RNF141: variants seen among roughly 807,000 people sequenced by gnomAD.
RNF141 encodes ring finger protein 141, also known as C3HC4-like zinc finger protein.
A neutral mutation model predicts 27.4 loss-of-function variants in RNF141; 18 were observed. That is an observed-to-expected ratio of 0.66 (90% CI 0.45 to 0.97). RNF141 has a LOEUF of 0.97. RNF141 is among the 50% of genes least tolerant of loss of function. The probability of loss-of-function intolerance (pLI) is 0.00; values close to 1 mark genes in which losing one functional copy is unlikely to be tolerated. For synonymous variants in RNF141, 97 were observed against 96.6 expected, an observed-to-expected ratio of 1.00 and a Z score of -0.02; for missense variants, 230 against 279.4, an observed-to-expected ratio of 0.82 and a Z score of 1.26.
intron 2 of RNF141, among the ~76,000 whole-genome samples, 182 bp downstream of exon 2, chr11:10,533,834 T>G (rs778869236): frequency 2.6e-5 from 4 of 152,162 alleles, no homozygotes; most frequent in Non-Finnish European, 4.4e-5. Context: ...CCCCATTACA[T>G]ACTTTTAAAA....
At chr11:10,527,228 A>G (rs1849943731) in intron 3 of RNF141, among the ~76,000 whole-genome samples, 1 of 152,232 alleles carries the variant, frequency 6.6e-6, no homozygotes, top group African/African-American at 2.4e-5. Context: ...GCCCTCAAGC[A>G]AGTTACATGA....
At chr11:10,533,184 C>A (rs947813432) in intron 2 of RNF141, among the ~76,000 whole-genome samples, 2 of 151,942 alleles carry the variant, frequency 1.3e-5, no homozygotes, top group African/African-American at 4.8e-5. Flanking sequence ...GACATCTGCC[C>A]AATTGTCACC....
chr11:10,525,013 T>G (rs1337619556), intron 4 of RNF141, among the ~76,000 whole-genome samples, 179 bp downstream of exon 4: 1 of 152,062 alleles, frequency 6.6e-6, no homozygotes, highest in African/African-American at 2.4e-5. Context: ...CCACTTTAAT[T>G]TAGCACTGTA....
chr11:10,533,319 AAATT>A (rs1462903910), intron 2 of RNF141, among the ~76,000 whole-genome samples: 1 of 152,192 alleles, frequency 6.6e-6, no homozygotes, highest in African/African-American at 2.4e-5. Context: ...ATTGATAAAT[AAATT>A]AACAAATAGA....
chr11:10,525,227 A>C lies in RNF141; in HGVS notation c.399T>G (p.Ser133=), dbSNP rs749978265. 54 of 1,611,438 alleles carry C rather than the reference A, an allele frequency of 3.4e-5. No individual in the cohort carries two copies. The highest frequency in any genetic ancestry group is 4.5e-5 in the Non-Finnish European group (53 of 1,178,954). Residue 133 remains serine (S), a synonymous_variant, in exon 4 of 6, where the codon TCT becomes TCG. Coordinates refer to ENST00000265981, the MANE Select transcript of RNF141 (RefSeq NM_016422.4). The part of the protein sequence containing the change: ...TSEEPDENSS[S]VTSCQASLWM... ...AAAGACTAGCCTGACAAGATGTTAC[A>C]GAGGATGAGTTTTCATCAGGTTCTT...
At chr11:10,520,102 T>C (rs1849876218) in intron 4 of RNF141, among the ~76,000 whole-genome samples, 1 of 152,206 alleles carries the variant, frequency 6.6e-6, no homozygotes, top group Non-Finnish European at 1.5e-5. Flanking sequence ...GCCTAGGACA[T>C]TACTGTATAG....
intron 5 of RNF141, chr11:10,518,443 G>T (rs548802919): frequency 5.5e-4 from 83 of 150,338 alleles, no homozygotes; most frequent in African/African-American, 1.9e-3. Context: ...GCTACAACAT[G>T]AATAAATACC....
At chr11:10,519,995 AT>A (rs1232881966) in intron 4 of RNF141, among the ~76,000 whole-genome samples, 4 of 152,172 alleles carry the variant, frequency 2.6e-5, no homozygotes, top group African/African-American at 7.2e-5. Context: ...TTGCAAAAAA[AT>A]CTCATGTTTT....
intron 1 of RNF141, among the ~76,000 whole-genome samples, chr11:10,536,971 A>T (rs775113625): frequency 2.0e-5 from 3 of 152,200 alleles, no homozygotes; most frequent in Non-Finnish European, 4.4e-5. Context: ...GAACATATTC[A>T]TGGGCATAGA....
intron 3 of RNF141, among the ~76,000 whole-genome samples, chr11:10,527,489 C>G (rs1849945883): frequency 6.7e-6 from 1 of 148,578 alleles, no homozygotes; most frequent in Admixed American, 6.6e-5. Context: ...GCAAGGAGCA[C>G]AGAGAGTCTC....
At chr11:10,524,339 C>T (rs995701786) in intron 4 of RNF141, among the ~76,000 whole-genome samples, 17 of 152,104 alleles carry the variant, frequency 1.1e-4, no homozygotes, top group Admixed American at 3.9e-4. Flanking sequence ...GGCGTGAACC[C>T]GGGAGGCAGA....
chr11:10,517,999 CTA>C (rs1491017026), intron 5 of RNF141, among the ~76,000 whole-genome samples: 1 of 151,932 alleles, frequency 6.6e-6, no homozygotes, highest in Non-Finnish European at 1.5e-5. Context: ...ACACTGAAAA[CTA>C]AAAAAATTGG....
At position 10,532,539 on chromosome 11, in the gene RNF141, C is replaced by A. The variant is rs373725895; in HGVS notation, c.143+1477G>T. Among the ~76,000 whole-genome samples, 783 of 110,342 alleles carry A rather than the reference C, an allele frequency of 7.1e-3. 6 individuals are homozygous for A. The highest frequency in any genetic ancestry group is 0.049 in the East Asian group (225 of 4,552). 72.4% of individuals were successfully genotyped at this position (110,342 alleles called of 152,430 possible). On this transcript the variant is annotated intron_variant, in intron 2 of 5. Coordinates refer to ENST00000265981, the MANE Select transcript of RNF141 (RefSeq NM_016422.4). ...CACACACACACACACACACACACACCCCACAACTATATACAGCTTTTTGTT... is the reference window on the plus strand; with the variant it reads ...CACACACACACACACACACACACACACCACAACTATATACAGCTTTTTGTT...
chr11:10,533,040 C>A (rs1193481424), intron 2 of RNF141, among the ~76,000 whole-genome samples: 1 of 152,158 alleles, frequency 6.6e-6, no homozygotes. Context: ...GTTGAAGAGA[C>A]TAAACAGAGA....
intron 1 of RNF141, among the ~76,000 whole-genome samples, chr11:10,536,114 G>A (rs1373365726): frequency 6.6e-6 from 1 of 152,144 alleles, no homozygotes; most frequent in Non-Finnish European, 1.5e-5. Flanking sequence ...ACAAGTACAG[G>A]TGCTGTGAAA....
chr11:10,527,820 T>C (rs1464855170), intron 3 of RNF141, among the ~76,000 whole-genome samples: 2 of 152,082 alleles, frequency 1.3e-5, no homozygotes, highest in African/African-American at 4.8e-5. Flanking sequence ...ATCCTGGTGA[T>C]AGAGGATGGT....
intron 3 of RNF141, 80 bp downstream of exon 3, chr11:10,530,563 A>G (rs1236341151): frequency 1.5e-6 from 1 of 678,090 alleles, no homozygotes; most frequent in Non-Finnish European, 2.5e-6. Flanking sequence ...TATATGCATT[A>G]TATTATCTTA....
chr11:10,518,760 A>G, intron 5 of RNF141: 5 of 308,938 alleles, frequency 1.6e-5, no homozygotes, highest in South Asian at 6.6e-5. Flanking sequence ...AGGAGGAAAA[A>G]GGGAAATGTT....
At chr11:10,538,107 CCT>C (rs1159661516) in intron 1 of RNF141, among the ~76,000 whole-genome samples, 1 of 152,190 alleles carries the variant, frequency 6.6e-6, no homozygotes, top group Admixed American at 6.5e-5. Flanking sequence ...AAAATGATCC[CCT>C]TTGTTTCAGC....
Sources: gnomAD v4.1 joint callset for allele counts (sites outside exome capture counted in the v4.1 genomes callset) on GRCh38, gnomAD v4.1.1 for gene constraint, MANE v1.5 for transcripts, NCBI Gene and HGNC (gene_info 2026-07-23, HGNC 2026-07-21) for gene names.